Variants in TMEM245 observed in about 807,000 individuals in gnomAD.
TMEM245 encodes the protein protein CG-2.
Under a neutral mutation model 101.2 loss-of-function variants are expected in TMEM245, and 69 were observed. The ratio of observed to expected loss-of-function variants is 0.68; its 90% CI spans 0.56 to 0.83. TMEM245 has a LOEUF of 0.83. Ranked by LOEUF, TMEM245 falls within the 40% of genes least tolerant of loss-of-function variation. The probability of loss-of-function intolerance (pLI) is 0.00; values close to 1 mark genes in which losing one functional copy is unlikely to be tolerated. For missense variants in TMEM245, 1,075 were observed against 1,092.8 expected (o/e 0.98, Z 0.23); for synonymous variants, 537 against 449.8 (o/e 1.19, Z -2.45).
intron 15 of TMEM245, among the ~76,000 whole-genome samples, chr9:109,037,058 T>G (rs1214507343): frequency 1.3e-5 from 2 of 151,836 alleles, no homozygotes; most frequent in African/African-American, 4.8e-5. Context: ...AACTTGACAA[T>G]GTAGAAGGAA....
chr9:109,071,164 A>G (rs1829319815), intron 9 of TMEM245, among the ~76,000 whole-genome samples: 1 of 151,904 alleles, frequency 6.6e-6, no homozygotes, highest in South Asian at 2.1e-4. Flanking sequence ...TACAGGCGTG[A>G]GCCACCCACC....
chr9:109,055,578 T>G lies in TMEM245; in HGVS notation c.1854+1613A>C, dbSNP rs571907631. 3.9e-5 allele frequency among the ~76,000 whole-genome samples: 6 copies of G among 152,198 alleles called. No homozygotes were observed. In the South Asian group the frequency reaches 1.2e-3, roughly 32 times the overall value. On this transcript the variant is annotated intron_variant, in intron 12 of 17. Transcript: ENST00000374586. ...AAAAGGATGGTTCAGAAAAAAGAGCTATTGGATATTGCAAGTATGATAGCA... is the reference window on the plus strand; with the variant it reads ...AAAAGGATGGTTCAGAAAAAAGAGCGATTGGATATTGCAAGTATGATAGCA...
In TMEM245 at chr9:109,119,657, C is replaced by T; in HGVS notation, c.257G>A (p.Trp86Ter). ...ILEAFLRPLLWAVLCGTFLHP... is the reference protein window; with the variant it reads ...ILEAFLRPLL ...CAGAAAAGTGCCGCATAGCACGGCC[C>T]AGAGCAGCGGCCGCAGGAAGGCCTC... The change falls in exon 1 of 18, where the codon TGG (tryptophan) becomes TAG (stop). Residue 86 changes from tryptophan (W) to a stop codon, truncating the protein, a stop_gained. Coordinates refer to ENST00000374586, the MANE Select transcript of TMEM245 (RefSeq NM_032012.4). LOFTEE classifies it high-confidence loss of function. The T allele has an allele frequency of 6.4e-7, 1 of 1,557,686 alleles. No homozygotes were observed. Among genetic ancestry groups the T allele is most frequent in the Non-Finnish European group, 8.7e-7 (1 of 1,153,390 alleles).
At chr9:109,119,168 A>C (rs1225365035) in intron 1 of TMEM245, among the ~76,000 whole-genome samples, 167 bp downstream of exon 1, 1 of 152,216 alleles carries the variant, frequency 6.6e-6, no homozygotes, top group African/African-American at 2.4e-5. Context: ...TTTTGGAAGA[A>C]TGTCCGCCAA....
At chr9:109,071,085 T>C (rs895456234) in intron 9 of TMEM245, among the ~76,000 whole-genome samples, 2 of 151,914 alleles carry the variant, frequency 1.3e-5, no homozygotes, top group African/African-American at 2.4e-5. Flanking sequence ...TTCACCATAT[T>C]GGCCAGGCTG....
chr9:109,106,983 T>C (rs992649890), intron 2 of TMEM245, among the ~76,000 whole-genome samples: 1 of 152,088 alleles, frequency 6.6e-6, no homozygotes, highest in Non-Finnish European at 1.5e-5. Flanking sequence ...AAGTCTGCCT[T>C]GGTTTCTTGA....
intron 4 of TMEM245, 43 bp downstream of exon 4, chr9:109,093,432 C>T: frequency 6.5e-7 from 1 of 1,536,582 alleles, no homozygotes; most frequent in South Asian, 1.2e-5. Flanking sequence ...ATGTACATTT[C>T]ATTTTCCAGA....
chr9:109,093,716 T>C, intron 3 of TMEM245, 125 bp from the exon 4 acceptor site: 2 of 779,436 alleles, frequency 2.6e-6, no homozygotes, highest in Non-Finnish European at 4.4e-6. Context: ...ACTGAATAAG[T>C]GGTTCTTCAC....
At position 109,075,756 on chromosome 9, in the gene TMEM245, A is replaced by T. The variant is rs1014564526; in HGVS notation, c.1450-2318T>A. 2.6e-5 allele frequency among the ~76,000 whole-genome samples: 4 copies of T among 152,116 alleles called. No homozygotes were observed. In the East Asian group the frequency reaches 7.7e-4, roughly 29 times the overall value. ...CTTTTTTCTTCATCAGTCTGGCTAA[A>T]ATTTTGTCAATTTTATTGATGTTTT... On this transcript the variant is annotated intron_variant, in intron 8 of 17. Transcript: ENST00000374586.
At chr9:109,088,986 C>A (rs977914970) in intron 5 of TMEM245, among the ~76,000 whole-genome samples, 2 of 152,024 alleles carry the variant, frequency 1.3e-5, no homozygotes, top group Admixed American at 1.3e-4. Context: ...AGAAGAACCA[C>A]ATATAGGCCG....
intron 1 of TMEM245, among the ~76,000 whole-genome samples, chr9:109,109,346 G>A (rs1830509512): frequency 6.6e-6 from 1 of 151,580 alleles, no homozygotes; most frequent in African/African-American, 2.4e-5. Context: ...AAACACAGAG[G>A]GAATACATAA....
At chr9:109,028,220 A>G (rs1412492487) in intron 17 of TMEM245, among the ~76,000 whole-genome samples, 1 of 151,530 alleles carries the variant, frequency 6.6e-6, no homozygotes, top group Non-Finnish European at 1.5e-5. Context: ...GAGGCTGAGG[A>G]GGGCAGATCA....
rs189896068 is a variant in TMEM245, at chr9:109,098,840, G to A, written c.800-5249C>T. Among the ~76,000 whole-genome samples the A allele has an allele frequency of 3.8e-3, 575 of 152,268 alleles. 19 individuals are homozygous for A. Among genetic ancestry groups the A allele is most frequent in the Admixed American group, 0.036 (549 of 15,280 alleles). On this transcript the variant is annotated intron_variant, in intron 3 of 17. Transcript: ENST00000374586. ...GATCTACACAAATCCAAACAAGCATGCTACTGACATTAGCAGCCTAGCACC... is the reference window on the plus strand; with the variant it reads ...GATCTACACAAATCCAAACAAGCATACTACTGACATTAGCAGCCTAGCACC...
intron 14 of TMEM245, among the ~76,000 whole-genome samples, chr9:109,047,336 T>G (rs1244814291): frequency 6.6e-6 from 1 of 152,206 alleles, no homozygotes; most frequent in Non-Finnish European, 1.5e-5. Flanking sequence ...AAAGACTGAT[T>G]TCCTCATATC....
At chr9:109,064,868 C>A (rs1389260398) in intron 9 of TMEM245, among the ~76,000 whole-genome samples, 1 of 152,150 alleles carries the variant, frequency 6.6e-6, no homozygotes, top group Non-Finnish European at 1.5e-5. Flanking sequence ...TGCAACCCTG[C>A]GACTTCCACC....
At chr9:109,118,713 G>C (rs987657929) in intron 1 of TMEM245, among the ~76,000 whole-genome samples, 2 of 152,228 alleles carry the variant, frequency 1.3e-5, no homozygotes, top group Non-Finnish European at 2.9e-5. Flanking sequence ...AAAGCGTGGA[G>C]AGGAAGAAGC....
chr9:109,072,527 G>A (rs943508077), intron 9 of TMEM245, among the ~76,000 whole-genome samples: 4 of 152,136 alleles, frequency 2.6e-5, no homozygotes, highest in South Asian at 4.1e-4. Context: ...AACTGGCCCC[G>A]ACTCCCACCT....
chr9:109,053,871 G>A (rs1458600757), intron 12 of TMEM245, among the ~76,000 whole-genome samples: 1 of 152,216 alleles, frequency 6.6e-6, no homozygotes, highest in Non-Finnish European at 1.5e-5. Context: ...GCAGAACTGA[G>A]CCACCTCTGT....
chr9:109,078,520 A>T (rs1211130804), intron 8 of TMEM245, among the ~76,000 whole-genome samples: 1 of 152,212 alleles, frequency 6.6e-6, no homozygotes, highest in African/African-American at 2.4e-5. Context: ...CACTGACTAT[A>T]AAAGTATTGT....
Sources: allele counts gnomAD v4.1 joint callset (sites outside exome capture counted in the v4.1 genomes callset), GRCh38; gene constraint gnomAD v4.1.1; transcripts MANE v1.5; gene names NCBI Gene and HGNC (gene_info 2026-07-23, HGNC 2026-07-21).